Variants in SERPINB7 observed in about 807,000 individuals in gnomAD.
SERPINB7 encodes the protein serpin B7.
Under a neutral mutation model 37.4 loss-of-function variants are expected in SERPINB7, and 31 were observed. The observed-to-expected ratio is 0.83, with a 90% CI of 0.62 to 1.12. The LOEUF (loss-of-function observed/expected upper bound fraction) is 1.12. Ranked by LOEUF, SERPINB7 falls within the 50% of genes most tolerant of loss-of-function variation. SERPINB7 has a pLI of 0.00. For missense variants in SERPINB7, 521 were observed against 455.3 expected (o/e 1.14, Z -1.31); for synonymous variants, 163 against 166.1 (o/e 0.98, Z 0.14).
At chr18:63,780,807 T>C (rs1014538637) in intron 1 of SERPINB7, among the ~76,000 whole-genome samples, 3 of 152,112 alleles carry the variant, frequency 2.0e-5, no homozygotes, top group African/African-American at 4.8e-5. Flanking sequence ...TCATGTAGGG[T>C]GTCATGCCTC....
intron 2 of SERPINB7, among the ~76,000 whole-genome samples, chr18:63,791,030 A>C (rs1364305872): frequency 6.6e-6 from 1 of 151,650 alleles, no homozygotes; most frequent in East Asian, 1.9e-4. Context: ...CAGCAAACTA[A>C]CACAGGAACA....
At position 63,766,333 on chromosome 18, in the gene SERPINB7, G is replaced by A. The variant is rs190748984; in HGVS notation, c.-19+13213G>A. 9.9e-5 allele frequency among the ~76,000 whole-genome samples: 15 copies of A among 152,196 alleles called. No homozygotes were observed. The East Asian group carries it at 2.9e-3, about 29-fold the overall frequency. ...AAGAAAAAGAGGGAGAATGAATCTT[G>A]GGTATTAACATTCTTGGATACAGTG... is the stretch of plus-strand genomic sequence containing the variant. On this transcript the variant is annotated intron_variant, in intron 1 of 7. Transcript: ENST00000336429.
At chr18:63,755,516 T>C (rs978982194) in intron 1 of SERPINB7, among the ~76,000 whole-genome samples, 1 of 152,180 alleles carries the variant, frequency 6.6e-6, no homozygotes, top group African/African-American at 2.4e-5. Context: ...CTGAGCAAAA[T>C]TCGCTTGAAA....
intron 2 of SERPINB7, among the ~76,000 whole-genome samples, chr18:63,787,325 G>A (rs2049382992): frequency 6.6e-6 from 1 of 152,112 alleles, no homozygotes; most frequent in South Asian, 2.1e-4. Flanking sequence ...GATAAAAACA[G>A]ATATGTATCA....
chr18:63,786,169 G>C (rs28469672), intron 2 of SERPINB7, among the ~76,000 whole-genome samples: 3,288 of 55,576 alleles, frequency 0.059, 485 homozygotes, highest in African/African-American at 0.16. Flanking sequence ...ACACACACCA[G>C]CATGGCACAT....
intron 2 of SERPINB7, among the ~76,000 whole-genome samples, chr18:63,783,202 G>A (rs897349687): frequency 5.3e-5 from 4 of 75,358 alleles, no homozygotes; most frequent in Admixed American, 1.2e-4. Flanking sequence ...GAGAGAGAGA[G>A]AGAGAGAGAG....
intron 5 of SERPINB7, among the ~76,000 whole-genome samples, chr18:63,796,905 A>G (rs1364652371): frequency 1.3e-5 from 2 of 152,120 alleles, no homozygotes; most frequent in African/African-American, 4.8e-5. Context: ...TCTACTGTCA[A>G]AGAAATGTAT....
At chr18:63,780,967 C>A (rs1031255503) in intron 1 of SERPINB7, among the ~76,000 whole-genome samples, 4 of 152,216 alleles carry the variant, frequency 2.6e-5, no homozygotes, top group African/African-American at 9.6e-5. Context: ...ACTCATTGAA[C>A]GTCTACTCTG....
chr18:63,803,264 G>C (rs75140854), intron 7 of SERPINB7, among the ~76,000 whole-genome samples: 5,205 of 151,010 alleles, frequency 0.034, 109 homozygotes, highest in South Asian at 0.063. Flanking sequence ...ATTCCAACAG[G>C]GTAAAAATAT....
In SERPINB7 at chr18:63,782,507, C is replaced by G. The variant is rs560338179; in HGVS notation, c.135C>G (p.Gly45=). 1.9e-6 allele frequency: 3 copies of G among 1,613,302 alleles called. No homozygotes were observed. The highest frequency in any genetic ancestry group is 2.5e-6 in the Non-Finnish European group (3 of 1,179,572). Reference sequence around the variant, plus strand: ...CTGCCCTGGCCCTGGTCCGCTTGGGCGCTCAAGATGACTCCCTCTCTCAGA... The same window carrying G: ...CTGCCCTGGCCCTGGTCCGCTTGGGGGCTCAAGATGACTCCCTCTCTCAGA... ...LFAALALVRL[G]AQDDSLSQID... The change falls in exon 2 of 8, where the codon GGC becomes GGG. Residue 45 remains glycine (G), a synonymous_variant. Coordinates refer to ENST00000398019, the MANE Select transcript of SERPINB7 (RefSeq NM_003784.4).
Position 63,792,440 on chromosome 18 carries a change from T to A in SERPINB7, c.216T>A (p.Ser72Arg). The A allele has an allele frequency of 6.3e-7, 1 of 1,589,802 alleles. No homozygotes were observed. ...TASGYGNSSN[S>R]QSGLQSQLKR... ...CAGGATATGGAAACTCTTCTAATAG[T>A]CAGGTAAAGACAATATGTTCTTTTA... Residue 72 changes from serine to arginine, a missense_variant, in exon 3 of 8, where the codon AGT becomes AGA. Ser to Arg is a moderately radical substitution (Grantham distance 110, BLOSUM62 -1). Transcript: ENST00000398019.
At chr18:63,801,203 A>G (rs560488029) in intron 7 of SERPINB7, among the ~76,000 whole-genome samples, 191 bp downstream of exon 7, 29 of 152,280 alleles carry the variant, frequency 1.9e-4, no homozygotes, top group African/African-American at 7.0e-4. Context: ...GCTGAGATTG[A>G]CTTAACTCAG....
At chr18:63,783,222 GAGAGAGAGAGAGAAAGAAAGAA>G (rs1568207788) in intron 2 of SERPINB7, among the ~76,000 whole-genome samples, 40 of 67,340 alleles carry the variant, frequency 5.9e-4, no homozygotes, top group South Asian at 2.0e-3. Flanking sequence ...GAGAGAGAGA[GAGAGAGAGAGAGAAAGAAAGAA>G]AGAAAGAAAG....
At chr18:63,779,618 T>C (rs2049282277) in intron 1 of SERPINB7, among the ~76,000 whole-genome samples, 1 of 152,008 alleles carries the variant, frequency 6.6e-6, no homozygotes, top group Non-Finnish European at 1.5e-5. Flanking sequence ...TCTTGGCTCA[T>C]GTTTCTCTGT....
chr18:63,753,314 T>C (rs1285435006), intron 1 of SERPINB7, among the ~76,000 whole-genome samples: 1 of 152,192 alleles, frequency 6.6e-6, no homozygotes, highest in African/African-American at 2.4e-5. Context: ...CCAATCTCTG[T>C]TCTCCACATG....
At chr18:63,799,053 C>T (rs112517489) in intron 6 of SERPINB7, among the ~76,000 whole-genome samples, 2,557 of 152,186 alleles carry the variant, frequency 0.017, 77 homozygotes, top group African/African-American at 0.058. Context: ...AAATATATGA[C>T]AAAAGTGTAT....
intron 2 of SERPINB7, among the ~76,000 whole-genome samples, chr18:63,787,792 A>T (rs1304082502): frequency 6.6e-6 from 1 of 152,196 alleles, no homozygotes; most frequent in East Asian, 1.9e-4. Context: ...ATGAATTACT[A>T]CATTCTTTTT....
Position 63,755,434 on chromosome 18 carries a change from G to A in SERPINB7, c.-19+2314G>A, listed in dbSNP as rs369577104. 3.7e-4 allele frequency among the ~76,000 whole-genome samples: 57 copies of A among 152,248 alleles called. No individual in the cohort carries two copies. In the South Asian group the frequency reaches 0.011, roughly 30 times the overall value. ...AAAGACAAACATGAAACTGAGCTTA[G>A]TTTCTTTCTACTGGCCTTCTTTTTT... On this transcript the variant is annotated intron_variant, in intron 1 of 7. Coordinates refer to the SERPINB7 transcript ENST00000336429.
At chr18:63,771,212 G>A (rs892043525), upstream of SERPINB7, among the ~76,000 whole-genome samples, 6 of 152,004 alleles carry the variant, frequency 3.9e-5, no homozygotes, top group Non-Finnish European at 7.4e-5. Context: ...GTGAAAGTTC[G>A]GGGATGGGAA....
Sources: allele counts gnomAD v4.1 joint callset (sites outside exome capture counted in the v4.1 genomes callset), GRCh38; gene constraint gnomAD v4.1.1; transcripts MANE v1.5; gene names NCBI Gene and HGNC (gene_info 2026-07-23, HGNC 2026-07-21).